Variants in PPP4R1 observed in about 807,000 individuals in gnomAD.
PPP4R1 encodes serine/threonine-protein phosphatase 4 regulatory subunit 1.
Under a neutral mutation model 111.2 loss-of-function variants are expected in PPP4R1, and 42 were observed. That is an observed-to-expected ratio of 0.38 (90% CI 0.29 to 0.49). PPP4R1 has a LOEUF of 0.49. Among genes scored for constraint, PPP4R1 ranks in the 20% least tolerant of loss-of-function variants. The pLI is 0.97. For synonymous variants in PPP4R1, 409 were observed against 405.5 expected, an observed-to-expected ratio of 1.01 and a Z score of -0.10; for missense variants, 1,012 against 1,161.6, an observed-to-expected ratio of 0.87 and a Z score of 1.87.
intron 2 of PPP4R1, among the ~76,000 whole-genome samples, chr18:9,601,015 A>G (rs1214862299): frequency 6.6e-6 from 1 of 152,192 alleles, no homozygotes; most frequent in Non-Finnish European, 1.5e-5. Flanking sequence ...CTGCATAACT[A>G]AAGTTTACAG....
chr18:9,571,707 G>A (rs2066864211), intron 10 of PPP4R1, among the ~76,000 whole-genome samples: 1 of 152,164 alleles, frequency 6.6e-6, no homozygotes, highest in Admixed American at 6.5e-5. Context: ...AGCATCTAAA[G>A]GAGAAACAGG....
At chr18:9,552,769 G>A (rs749710892) in intron 16 of PPP4R1, among the ~76,000 whole-genome samples, 52 of 152,302 alleles carry the variant, frequency 3.4e-4, no homozygotes, top group Admixed American at 7.8e-4. Context: ...CTCAACAGAT[G>A]AATGCCCTAA....
rs901320153 is a variant in PPP4R1 at position 9,557,137 on chromosome 18, C to T, written c.2190+84G>A. The T allele has an allele frequency of 1.2e-4, 151 of 1,291,814 alleles. No individual in the cohort carries two copies. In the African/African-American group the frequency reaches 1.8e-3, roughly 15 times the overall value. 80.0% of individuals were successfully genotyped at this position (1,291,814 alleles called of 1,614,324 possible). On this transcript the variant is annotated intron_variant, in intron 15 of 19. Transcript: ENST00000400556. Reference sequence around the variant, plus strand: ...TTTCTTACATAGAAACACAAAGAAACCTCTCTTGGTGATAGCAGAAGATAA... The same window carrying T: ...TTTCTTACATAGAAACACAAAGAAATCTCTCTTGGTGATAGCAGAAGATAA...
chr18:9,572,747 T>G (rs1278455497), intron 10 of PPP4R1, among the ~76,000 whole-genome samples: 1 of 152,210 alleles, frequency 6.6e-6, no homozygotes, highest in African/African-American at 2.4e-5. Context: ...TCAAAACCAT[T>G]ATTTTCACAA....
intron 19 of PPP4R1, 121 bp downstream of exon 19, chr18:9,549,076 C>T: frequency 1.6e-6 from 2 of 1,284,342 alleles, no homozygotes; most frequent in Admixed American, 3.8e-5. Flanking sequence ...TAAAGTATTT[C>T]CTTCCACCAG....
chr18:9,598,682 C>T (rs2067330045), intron 2 of PPP4R1, among the ~76,000 whole-genome samples: 1 of 152,096 alleles, frequency 6.6e-6, no homozygotes, highest in East Asian at 1.9e-4. Context: ...AGGAAAATTA[C>T]ACCAGATGAG....
At chr18:9,612,013 C>A (rs1345217497) in intron 2 of PPP4R1, among the ~76,000 whole-genome samples, 10 of 145,712 alleles carry the variant, frequency 6.9e-5, no homozygotes, top group African/African-American at 1.0e-4. Flanking sequence ...AACTCCATCT[C>A]AAAAAAAAAA....
At position 9,614,283 on chromosome 18, in the gene PPP4R1, G is replaced by T. The variant is rs2067645062; in HGVS notation, c.8-13C>A. On this transcript the variant is annotated splice_polypyrimidine_tract_variant and intron_variant, in intron 1 of 19. Coordinates refer to ENST00000400556, the MANE Select transcript of PPP4R1 (RefSeq NM_001042388.3). The surrounding 1 kb of genome is among the most constrained non-coding windows in gnomAD (Gnocchi z 4.1). ...AGCAGCGAGAGGTCTGCGCCGAGGG[G>T]AGAGAAGAAAGGCCCGGTCAGCGCC... 3.1e-6 allele frequency: 4 copies of T among 1,304,462 alleles called. No individual in the cohort carries two copies. Among genetic ancestry groups the T allele is most frequent in the Non-Finnish European group, 3.9e-6 (4 of 1,013,710 alleles). The allele number at this position is 1,304,462 out of a possible 1,614,324, so 80.8% of individuals were successfully genotyped here.
chr18:9,558,699 GT>G (rs1555666878), intron 14 of PPP4R1, among the ~76,000 whole-genome samples: 20 of 148,154 alleles, frequency 1.3e-4, no homozygotes, highest in Admixed American at 2.7e-4. Flanking sequence ...TAATCAGACT[GT>G]TTTTTTTTTT....
chr18:9,555,962 C>G (rs534154375), intron 15 of PPP4R1, among the ~76,000 whole-genome samples: 1 of 148,726 alleles, frequency 6.7e-6, no homozygotes, highest in Non-Finnish European at 1.5e-5. Flanking sequence ...CGGTGAAACC[C>G]CATCTCTACT....
intron 16 of PPP4R1, among the ~76,000 whole-genome samples, chr18:9,552,702 C>T (rs1243407499): frequency 6.6e-6 from 1 of 152,164 alleles, no homozygotes; most frequent in South Asian, 2.1e-4. Flanking sequence ...AAATCTTGTA[C>T]ATAAACGTTC....
chr18:9,572,564 G>A (rs2066878445), intron 10 of PPP4R1, among the ~76,000 whole-genome samples: 1 of 152,280 alleles, frequency 6.6e-6, no homozygotes, highest in South Asian at 2.1e-4. Flanking sequence ...GATGAATACA[G>A]GAAAAAGCAT....
chr18:9,616,279 A>AT (rs980740761), upstream of PPP4R1, among the ~76,000 whole-genome samples: 2 of 150,904 alleles, frequency 1.3e-5, no homozygotes, highest in Admixed American at 6.6e-5. Flanking sequence ...TAAAAAGCAA[A>AT]TTTTTTTTAG....
At chr18:9,605,414 C>T (rs1230403673) in intron 2 of PPP4R1, among the ~76,000 whole-genome samples, 1 of 151,774 alleles carries the variant, frequency 6.6e-6, no homozygotes, top group Non-Finnish European at 1.5e-5. Flanking sequence ...CAAACTATTT[C>T]CTTACTAATT....
At position 9,614,262 on chromosome 18, in the gene PPP4R1, G is replaced by T; in HGVS notation, c.16C>A (p.Leu6Met). The T allele has an allele frequency of 7.4e-7, 1 of 1,348,138 alleles. No homozygotes were observed. The highest frequency in any genetic ancestry group is 1.7e-5 in the South Asian group (1 of 57,724). 83.5% of individuals were successfully genotyped at this position (1,348,138 alleles called of 1,614,324 possible). MADLS[L>M]LQEDLQEDAD... ...TCCTCCTGCAGGTCCTCCTGAAGCA[G>T]CGAGAGGTCTGCGCCGAGGGGAGAG... Residue 6 changes from leucine to methionine, a missense_variant, in exon 2 of 20, where the codon CTG becomes ATG. Leu to Met is a conservative substitution (Grantham distance 15, BLOSUM62 2). This residue lies in a region of PPP4R1 where 707 missense variants were observed against 742.1 expected (regional missense o/e 0.95). Transcript: ENST00000400556. The surrounding 1 kb of genome is among the most constrained non-coding windows in gnomAD (Gnocchi z 4.1).
intron 12 of PPP4R1, 179 bp downstream of exon 12, chr18:9,563,199 C>T (rs888646584): frequency 1.7e-6 from 2 of 1,181,758 alleles, no homozygotes; most frequent in Non-Finnish European, 2.2e-6. Context: ...TTTCATATGA[C>T]ACTAATGTCA....
In PPP4R1 at chr18:9,588,215, T is replaced by C. The variant is rs1475978364; in HGVS notation, c.459A>G (p.Ala153=). 1 of 1,613,982 alleles carries C rather than the reference T, an allele frequency of 6.2e-7. No homozygotes were observed. The highest frequency in any genetic ancestry group is 8.5e-7 in the Non-Finnish European group (1 of 1,179,924). The change falls in exon 6 of 20, where the codon GCA becomes GCG. Residue 153 remains alanine (A), a synonymous_variant. Coordinates refer to ENST00000400556, the MANE Select transcript of PPP4R1 (RefSeq NM_001042388.3). ...CCTGCTCCAACAGAGCCAGCAAAGC[T>C]GCCTGACTTGTTTTCCTCACCTAGG... ...QNNQVRKTSQ[A]ALLALLEQEL...
At chr18:9,607,784 T>TC in intron 2 of PPP4R1, among the ~76,000 whole-genome samples, 1 of 94,540 alleles carries the variant, frequency 1.1e-5, no homozygotes, top group East Asian at 2.3e-4. Flanking sequence ...TCTTTCTTTC[T>TC]TTTTTTTTTT....
chr18:9,606,141 A>G (rs1378717312), intron 2 of PPP4R1, among the ~76,000 whole-genome samples: 1 of 152,234 alleles, frequency 6.6e-6, no homozygotes, highest in East Asian at 1.9e-4. Flanking sequence ...GGTGTGAAAC[A>G]TCAAGATTCA....
Sources: allele counts gnomAD v4.1 joint callset (sites outside exome capture counted in the v4.1 genomes callset), GRCh38; gene constraint gnomAD v4.1.1; regional missense constraint gnomAD v4.1.1; non-coding constraint Gnocchi (gnomAD v3.1); transcripts MANE v1.5; gene names NCBI Gene and HGNC (gene_info 2026-07-23, HGNC 2026-07-21).